CPNE4: variants seen among roughly 807,000 people sequenced by gnomAD.
CPNE4 encodes the protein copine-4.
In CPNE4, 25 loss-of-function variants were observed where a neutral mutation model predicts 67.9. The observed-to-expected ratio is 0.37, with a 90% CI of 0.27 to 0.51. The LOEUF (loss-of-function observed/expected upper bound fraction) is 0.51. CPNE4 is among the 20% of genes least tolerant of loss of function. The pLI, the probability that CPNE4 is intolerant of heterozygous loss-of-function variation, is 0.93. For missense variants in CPNE4, 464 were observed against 690.8 expected (o/e 0.67, Z 3.68); for synonymous variants, 242 against 244.9 (o/e 0.99, Z 0.11).
At chr3:131,825,138 G>T (rs139577400) in intron 2 of CPNE4, among the ~76,000 whole-genome samples, 298 of 152,182 alleles carry the variant, frequency 2.0e-3, no homozygotes, top group Non-Finnish European at 3.5e-3. Flanking sequence ...AGTGAGAAAC[G>T]GGGTCCATAT....
At chr3:131,896,138 A>G (rs1370898489) in intron 2 of CPNE4, among the ~76,000 whole-genome samples, 3 of 152,080 alleles carry the variant, frequency 2.0e-5, no homozygotes, top group Admixed American at 2.0e-4. Flanking sequence ...AGCTTTGAAA[A>G]TTCATATCCA....
intron 7 of CPNE4, among the ~76,000 whole-genome samples, chr3:131,622,436 C>A (rs997832016): frequency 1.3e-5 from 2 of 152,118 alleles, no homozygotes; most frequent in Non-Finnish European, 2.9e-5. Flanking sequence ...TATTGTGAAT[C>A]CTATCCTAAA....
intron 7 of CPNE4, among the ~76,000 whole-genome samples, chr3:131,591,361 C>G (rs1233759003): frequency 6.6e-6 from 1 of 152,148 alleles, no homozygotes; most frequent in Non-Finnish European, 1.5e-5. Context: ...TTTTTTAACA[C>G]TACCCTGAAA....
At chr3:131,902,880 T>C (rs2088605734) in intron 2 of CPNE4, among the ~76,000 whole-genome samples, 1 of 152,106 alleles carries the variant, frequency 6.6e-6, no homozygotes. Context: ...AAAAAAAAGA[T>C]ACTATGTATT....
chr3:131,696,466 T>C, intron 5 of CPNE4, 76 bp downstream of exon 5: 1 of 1,369,960 alleles, frequency 7.3e-7, no homozygotes, highest in Non-Finnish European at 1.0e-6. Flanking sequence ...GGAAAAATAG[T>C]TGCAGGGGGA....
chr3:132,039,396 G>C (rs1286829720), upstream of CPNE4: 1 of 152,206 alleles, frequency 6.6e-6, no homozygotes, highest in Non-Finnish European at 1.5e-5. Flanking sequence ...ATATCATAAA[G>C]GCAACAACAT....
At chr3:132,001,598 A>AGAAAGAAAGAAG (rs2073448232) in intron 1 of CPNE4, among the ~76,000 whole-genome samples, 1 of 151,410 alleles carries the variant, frequency 6.6e-6, no homozygotes, top group Non-Finnish European at 1.5e-5. Context: ...AAAGAAAGAA[A>AGAAAGAAAGAAG]GAAAGAAAGA....
chr3:131,652,869 AT>A (rs1330532808), intron 7 of CPNE4, among the ~76,000 whole-genome samples: 1 of 152,212 alleles, frequency 6.6e-6, no homozygotes, highest in Non-Finnish European at 1.5e-5. Context: ...CCAGTGCTAA[AT>A]TTGATACAAT....
chr3:131,961,695 A>C (rs184979904), intron 1 of CPNE4, among the ~76,000 whole-genome samples: 138 of 152,314 alleles, frequency 9.1e-4, no homozygotes, highest in African/African-American at 2.8e-3. Flanking sequence ...TAGAGGACTA[A>C]AGATAGAACA....
intron 6 of CPNE4, among the ~76,000 whole-genome samples, chr3:131,669,966 T>A (rs1308974364): frequency 6.6e-6 from 1 of 152,192 alleles, no homozygotes; most frequent in Non-Finnish European, 1.5e-5. Context: ...ACTCCTGTGG[T>A]CACTGTCCTG....
intron 2 of CPNE4, among the ~76,000 whole-genome samples, chr3:131,758,138 G>A (rs1474589932): frequency 6.6e-6 from 1 of 152,178 alleles, no homozygotes; most frequent in Non-Finnish European, 1.5e-5. Flanking sequence ...GAGGACCACT[G>A]TCCTCCGGAC....
chr3:131,795,622 T>G (rs2083898794), intron 2 of CPNE4, among the ~76,000 whole-genome samples: 1 of 152,128 alleles, frequency 6.6e-6, no homozygotes, highest in South Asian at 2.1e-4. Context: ...GACTATGAAG[T>G]GGTTCTGGCC....
At chr3:131,695,701 C>G (rs1472818731) in intron 5 of CPNE4, among the ~76,000 whole-genome samples, 1 of 152,148 alleles carries the variant, frequency 6.6e-6, no homozygotes, top group African/African-American at 2.4e-5. Flanking sequence ...CACTGCAGTT[C>G]CCAGCACCTA....
At chr3:131,863,217 C>T (rs139089870) in intron 2 of CPNE4, among the ~76,000 whole-genome samples, 48,574 of 151,912 alleles carry the variant, frequency 0.32, 8,294 homozygotes, top group African/African-American at 0.42. Flanking sequence ...CCTTTGGGTA[C>T]ATACCCAGTA....
At chr3:131,582,404 A>T (rs909714322) in intron 8 of CPNE4, among the ~76,000 whole-genome samples, 1 of 152,170 alleles carries the variant, frequency 6.6e-6, no homozygotes, top group Admixed American at 6.6e-5. Context: ...ATTGTGAATC[A>T]AATATCCAAG....
At chr3:131,808,394 A>C (rs2084401354) in intron 2 of CPNE4, among the ~76,000 whole-genome samples, 1 of 152,210 alleles carries the variant, frequency 6.6e-6, no homozygotes. Flanking sequence ...TAGGAACTAT[A>C]AGAAAAAGTC....
chr3:131,656,865 A>C (rs1345613592), intron 7 of CPNE4, among the ~76,000 whole-genome samples: 1 of 152,210 alleles, frequency 6.6e-6, no homozygotes, highest in Non-Finnish European at 1.5e-5. Context: ...TGTTAAGAAC[A>C]TGCCAGCTAT....
intron 2 of CPNE4, among the ~76,000 whole-genome samples, chr3:131,767,776 A>ATATT (rs72170030): frequency 5.3e-4 from 79 of 149,816 alleles, no homozygotes; most frequent in African/African-American, 1.9e-3. Flanking sequence ...CTCAGATTAT[A>ATATT]TATTTATTTA....
chr3:132,001,614 A>AGAAAGAAG (rs2073453007), intron 1 of CPNE4, among the ~76,000 whole-genome samples: 1 of 151,480 alleles, frequency 6.6e-6, no homozygotes, highest in African/African-American at 2.4e-5. Context: ...AAAGAAAGAA[A>AGAAAGAAG]GAAAATGAAG....
Sources: allele counts gnomAD v4.1 joint callset (sites outside exome capture counted in the v4.1 genomes callset), GRCh38; gene constraint gnomAD v4.1.1; transcripts MANE v1.5; gene names NCBI Gene and HGNC (gene_info 2026-07-23, HGNC 2026-07-21).